KCND2: variants seen among roughly 807,000 people sequenced by gnomAD.
KCND2 encodes A-type voltage-gated potassium channel KCND2.
In KCND2, 16 loss-of-function variants were observed where a neutral mutation model predicts 54.4. The ratio of observed to expected loss-of-function variants is 0.29; its 90% CI spans 0.20 to 0.45. The LOEUF (loss-of-function observed/expected upper bound fraction) is 0.45, where lower values mean the gene tolerates loss of function less well. KCND2 is among the 20% of genes least tolerant of loss of function. The pLI, the probability that KCND2 is intolerant of heterozygous loss-of-function variation, is 1.00. For synonymous variants in KCND2, 317 were observed against 310.7 expected (o/e 1.02, Z -0.21); for missense variants, 486 against 824.2 (o/e 0.59, Z 5.02).
At chr7:120,417,443 T>C (rs181243983) in intron 1 of KCND2, among the ~76,000 whole-genome samples, 112 of 152,318 alleles carry the variant, frequency 7.4e-4, no homozygotes, top group Non-Finnish European at 1.1e-3. Context: ...ATTGAGACCT[T>C]ACGGCTGCTC....
intron 1 of KCND2, among the ~76,000 whole-genome samples, chr7:120,457,292 C>A (rs1385109285): frequency 6.6e-6 from 1 of 152,186 alleles, no homozygotes; most frequent in African/African-American, 2.4e-5. Context: ...ATGTAAATTT[C>A]TTCAGCAAGC....
At chr7:120,632,404 C>A (rs1793244755) in intron 1 of KCND2, among the ~76,000 whole-genome samples, 1 of 152,130 alleles carries the variant, frequency 6.6e-6, no homozygotes, top group African/African-American at 2.4e-5. Context: ...AGACAACAAT[C>A]TGTAAATTAC....
At position 120,370,930 on chromosome 7, in the gene KCND2, G is replaced by A. The variant is rs372254254; in HGVS notation, c.1115+95183G>A. On this transcript the variant is annotated intron_variant, in intron 1 of 5. Transcript: ENST00000331113. ...AGTGTTGACAGTGCTGAAGGTGAGT[G>A]ATTTTATTACTCCAGATAGGTTAGC... Among the ~76,000 whole-genome samples, 50 of 152,166 alleles carry A rather than the reference G, an allele frequency of 3.3e-4. No homozygotes were observed. In the East Asian group the frequency reaches 6.6e-3, roughly 20 times the overall value.
At chr7:120,677,580 G>GATAT (rs1562906528) in intron 1 of KCND2, among the ~76,000 whole-genome samples, 1 of 147,264 alleles carries the variant, frequency 6.8e-6, no homozygotes, top group Non-Finnish European at 1.5e-5. Context: ...TAGATATATA[G>GATAT]ATATATAAAA....
intron 1 of KCND2, among the ~76,000 whole-genome samples, chr7:120,396,701 T>C (rs1032647513): frequency 6.6e-6 from 1 of 151,956 alleles, no homozygotes; most frequent in African/African-American, 2.4e-5. Flanking sequence ...CCTAATGTTA[T>C]AAACTGAATG....
At chr7:120,329,121 T>G (rs1800024984) in intron 1 of KCND2, among the ~76,000 whole-genome samples, 1 of 94,530 alleles carries the variant, frequency 1.1e-5, no homozygotes, top group African/African-American at 4.3e-5. Flanking sequence ...TAGCTTAGTC[T>G]TTTTTTTTTT....
intron 1 of KCND2, among the ~76,000 whole-genome samples, chr7:120,563,899 C>A (rs149479441): frequency 6.6e-6 from 1 of 152,158 alleles, no homozygotes; most frequent in African/African-American, 2.4e-5. Flanking sequence ...CCCCTTGAAG[C>A]CTTTACTTAT....
intron 1 of KCND2, among the ~76,000 whole-genome samples, chr7:120,435,749 A>ATG (rs1211278990): frequency 1.3e-5 from 2 of 152,022 alleles, no homozygotes; most frequent in African/African-American, 4.8e-5. Context: ...ATATATATAT[A>ATG]GCCAGTCTCA....
chr7:120,605,352 A>G (rs769892393), intron 1 of KCND2, among the ~76,000 whole-genome samples: 61 of 152,264 alleles, frequency 4.0e-4, no homozygotes, highest in Admixed American at 8.5e-4. Context: ...AGAATCTTTC[A>G]CCTAGCATGT....
At chr7:120,695,444 T>A (rs1388030979) in intron 1 of KCND2, among the ~76,000 whole-genome samples, 1 of 152,230 alleles carries the variant, frequency 6.6e-6, no homozygotes. Flanking sequence ...ACACTTTATG[T>A]CAGACATATT....
rs140232019 is a variant in KCND2 at position 120,714,140 on chromosome 7, A to C, written c.1116-18763A>C. 4.4e-3 allele frequency among the ~76,000 whole-genome samples: 665 copies of C among 152,276 alleles called. 5 individuals are homozygous for C. The highest frequency in any genetic ancestry group is 0.015 in the African/African-American group (638 of 41,576). On this transcript the variant is annotated intron_variant, in intron 1 of 5. Coordinates refer to ENST00000331113, the MANE Select transcript of KCND2 (RefSeq NM_012281.3). ...AAATCAAACATTTGCTATATAATTCAGTTCTACAGTGCCTCAGTCTCCCTT... is the reference window on the plus strand; with the variant it reads ...AAATCAAACATTTGCTATATAATTCCGTTCTACAGTGCCTCAGTCTCCCTT...
intron 1 of KCND2, among the ~76,000 whole-genome samples, chr7:120,597,966 C>A (rs1792766057): frequency 6.6e-6 from 1 of 151,810 alleles, no homozygotes; most frequent in African/African-American, 2.4e-5. Context: ...CTATCTGGGC[C>A]TGGAGTGGGA....
At chr7:120,338,567 A>G (rs2116361084) in intron 1 of KCND2, among the ~76,000 whole-genome samples, 1 of 152,140 alleles carries the variant, frequency 6.6e-6, no homozygotes, top group East Asian at 1.9e-4. Context: ...TGTTTTCTAT[A>G]GGCCTAGTAT....
At chr7:120,443,987 T>G (rs1388249886) in intron 1 of KCND2, among the ~76,000 whole-genome samples, 1 of 152,138 alleles carries the variant, frequency 6.6e-6, no homozygotes, top group Non-Finnish European at 1.5e-5. Context: ...TTTGCCTTCC[T>G]GCCTTCATTC....
intron 2 of KCND2, among the ~76,000 whole-genome samples, chr7:120,736,556 C>T (rs1792873043): frequency 6.6e-6 from 1 of 151,908 alleles, no homozygotes; most frequent in Non-Finnish European, 1.5e-5. Flanking sequence ...ATATATGGAT[C>T]ACATCACCTA....
intron 1 of KCND2, among the ~76,000 whole-genome samples, chr7:120,638,708 A>C (rs1793336315): frequency 6.6e-6 from 1 of 152,154 alleles, no homozygotes; most frequent in African/African-American, 2.4e-5. Flanking sequence ...GTGGGCCTAC[A>C]CATCTCCCTC....
intron 1 of KCND2, among the ~76,000 whole-genome samples, chr7:120,373,266 A>G (rs1028466444): frequency 6.6e-6 from 1 of 151,886 alleles, no homozygotes; most frequent in East Asian, 1.9e-4. Context: ...TAAATAAGGT[A>G]GTAGAATACA....
chr7:120,412,298 G>T (rs1400896202), intron 1 of KCND2, among the ~76,000 whole-genome samples: 1 of 151,954 alleles, frequency 6.6e-6, no homozygotes. Flanking sequence ...CAGAATGGTT[G>T]TCTTATGATT....
intron 1 of KCND2, among the ~76,000 whole-genome samples, chr7:120,344,307 C>G (rs1800281399): frequency 6.6e-6 from 1 of 152,040 alleles, no homozygotes; most frequent in Admixed American, 6.6e-5. Context: ...GACAAGATAA[C>G]ACATAAAAGA....
Sources: gnomAD v4.1 joint callset for allele counts (sites outside exome capture counted in the v4.1 genomes callset) on GRCh38, gnomAD v4.1.1 for gene constraint, MANE v1.5 for transcripts, NCBI Gene and HGNC (gene_info 2026-07-23, HGNC 2026-07-21) for gene names.